Variants in ALPL observed in about 807,000 individuals in gnomAD.
ALPL encodes alkaline phosphatase, tissue-nonspecific isozyme.
ALPL carries 42 observed loss-of-function variants against 51.3 expected under a neutral mutation model. That is an observed-to-expected ratio of 0.82 (90% CI 0.64 to 1.06). The LOEUF is 1.06. ALPL is among the 50% of genes least tolerant of loss of function. The probability of loss-of-function intolerance (pLI) is 0.00; values close to 1 mark genes in which losing one functional copy is unlikely to be tolerated. For synonymous variants in ALPL, 279 were observed against 296.4 expected (o/e 0.94, Z 0.60); for missense variants, 589 against 709.4 (o/e 0.83, Z 1.93).
intron 5 of ALPL, 70 bp from the exon 6 acceptor site, chr1:21,563,960 GGGGAGGGGGAA>G: frequency 6.4e-7 from 1 of 1,553,810 alleles, no homozygotes; most frequent in East Asian, 2.3e-5. Flanking sequence ...TGTCTTTAGC[GGGGAGGGGGAA>G]GGGAGGGAGG....
At chr1:21,553,039 A>G (rs1644353588) in intron 1 of ALPL, among the ~76,000 whole-genome samples, 1 of 149,138 alleles carries the variant, frequency 6.7e-6, no homozygotes, top group Non-Finnish European at 1.5e-5. Flanking sequence ...CCATTAATAC[A>G]TGCTTGTTTT....
rs191532327 is a variant in ALPL at position 21,514,300 on chromosome 1, G to A, written c.-105+4783G>A. ...TCATTCTAAAGATTGCACAGCCCCT[G>A]CAGGGAAGAGACTCCCTTGACAGCT... On this transcript the variant is annotated intron_variant, in intron 1 of 11. Transcript: ENST00000374840. 1.6e-3 allele frequency among the ~76,000 whole-genome samples: 248 copies of A among 152,246 alleles called. 3 individuals are homozygous for A. The highest frequency in any genetic ancestry group is 5.7e-3 in the African/African-American group (238 of 41,536).
chr1:21,527,399 G>A (rs1002228998), intron 1 of ALPL, among the ~76,000 whole-genome samples: 6 of 152,100 alleles, frequency 3.9e-5, no homozygotes, highest in African/African-American at 1.2e-4. Context: ...TATTTGCTCA[G>A]TCTTCAGATA....
chr1:21,568,118 T>C lies in ALPL; in HGVS notation c.663T>C (p.Gly221=). The C allele has an allele frequency of 6.2e-7, 1 of 1,613,394 alleles. No homozygotes were observed. The highest frequency in any genetic ancestry group is 8.5e-7 in the Non-Finnish European group (1 of 1,179,872). The change falls in exon 7 of 12, where the codon GGT becomes GGC. Residue 221 remains glycine (G), a synonymous_variant. Coordinates refer to ENST00000374840, the MANE Select transcript of ALPL (RefSeq NM_000478.6). ...NIRDIDVIMG[G]GRKYMYPKNK... is the part of the protein sequence containing the mutation. ...GTCTCTTTTAGGTGATCATGGGGGG[T>C]GGCCGGAAATACATGTACCCCAAGA...
intron 1 of ALPL, among the ~76,000 whole-genome samples, chr1:21,552,107 C>CCTCCT (rs1304916565): frequency 1.6e-3 from 2 of 1,240 alleles, no homozygotes; most frequent in African/African-American, 5.0e-3. Flanking sequence ...CCTTCCCTTT[C>CCTCCT]CTCCCCTTCC....
chr1:21,509,219 A>G (rs1426423238), upstream of ALPL, among the ~76,000 whole-genome samples: 1 of 151,356 alleles, frequency 6.6e-6, no homozygotes, highest in Admixed American at 6.6e-5. This position sits in a 1 kb window ranked among gnomAD's most constrained non-coding sequence, Gnocchi z 6.0. Flanking sequence ...GCGTCACCCC[A>G]GCCCGTTCCT....
intron 1 of ALPL, among the ~76,000 whole-genome samples, chr1:21,519,765 C>T (rs544863323): frequency 8.0e-4 from 122 of 152,304 alleles, no homozygotes; most frequent in African/African-American, 2.8e-3. Flanking sequence ...CCACTGCACT[C>T]CAACCTGAGT....
At chr1:21,545,573 G>A (rs1644243503) in intron 1 of ALPL, among the ~76,000 whole-genome samples, 1 of 151,778 alleles carries the variant, frequency 6.6e-6, no homozygotes, top group South Asian at 2.1e-4. Flanking sequence ...TTACAGGAGT[G>A]AGCCACCATG....
chr1:21,572,697 CTGGAAGGACACCAGAAT>C (rs947816305), intron 8 of ALPL, among the ~76,000 whole-genome samples: 6 of 152,108 alleles, frequency 3.9e-5, no homozygotes, highest in African/African-American at 1.2e-4. Flanking sequence ...GCAGGGTGTT[CTGGAAGGACACCAGAAT>C]TGGAAGGACA....
rs1304758906 is a variant in ALPL at position 21,577,958 on chromosome 1, G to A, written c.*310G>A. On this transcript the variant is annotated 3_prime_UTR_variant, in exon 12 of 12. Transcript: ENST00000374840. ...AAAGCCTCTTATTTTTCTAGCGAAC[G>A]TATTTCTCCAGACCCAGAGGCCCTG... 8 of 506,016 alleles carry A rather than the reference G, an allele frequency of 1.6e-5. No individual in the cohort carries two copies. Among genetic ancestry groups the A allele is most frequent in the East Asian group, 1.3e-4 (4 of 29,718 alleles). The allele number at this position is 506,016 out of a possible 1,614,324, so 31.3% of individuals were successfully genotyped here. A position where few individuals can be genotyped will look rare whatever the true frequency, so the allele number is the denominator to read the frequency against.
intron 1 of ALPL, among the ~76,000 whole-genome samples, chr1:21,524,966 G>C (rs978374823): frequency 4.6e-5 from 7 of 152,238 alleles, no homozygotes; most frequent in Non-Finnish European, 8.8e-5. Flanking sequence ...AAACGTAAGT[G>C]GGGGATTGGT....
At chr1:21,520,035 T>A (rs1314059413) in intron 1 of ALPL, among the ~76,000 whole-genome samples, 1 of 152,148 alleles carries the variant, frequency 6.6e-6, no homozygotes, top group Non-Finnish European at 1.5e-5. Context: ...CTATCCTGTT[T>A]TAATCAGCCA....
At chr1:21,510,009 G>T (rs1020140660) in intron 1 of ALPL, among the ~76,000 whole-genome samples, 12 of 152,154 alleles carry the variant, frequency 7.9e-5, no homozygotes, top group Admixed American at 3.3e-4. Context: ...AAGCAGTTTG[G>T]TTTGGGAGGA....
intron 1 of ALPL, among the ~76,000 whole-genome samples, chr1:21,516,811 T>G (rs1346903419): frequency 2.6e-5 from 4 of 152,260 alleles, no homozygotes; most frequent in South Asian, 2.1e-4. Flanking sequence ...AGTGATTTTT[T>G]TGTGTGTGAA....
intron 1 of ALPL, among the ~76,000 whole-genome samples, chr1:21,519,404 A>C (rs937397788): frequency 2.5e-4 from 38 of 152,244 alleles, no homozygotes; most frequent in African/African-American, 8.7e-4. Context: ...TGAGTGCGAT[A>C]CGTCTTTGCC....
intron 1 of ALPL, among the ~76,000 whole-genome samples, chr1:21,510,657 C>T (rs938459153): frequency 6.6e-6 from 1 of 152,220 alleles, no homozygotes; most frequent in Non-Finnish European, 1.5e-5. Context: ...CTCTGCAGCC[C>T]TAGCGTCCTG....
chr1:21,527,550 T>A (rs974943674), intron 1 of ALPL, among the ~76,000 whole-genome samples: 2 of 136,060 alleles, frequency 1.5e-5, no homozygotes, highest in Non-Finnish European at 1.6e-5. Context: ...AGCCTTTAAC[T>A]TTTTTTTTTT....
At chr1:21,560,526 A>G in intron 2 of ALPL, 100 bp from the exon 3 acceptor site, 1 of 1,503,912 alleles carries the variant, frequency 6.6e-7, no homozygotes, top group Non-Finnish European at 9.0e-7. Context: ...CTCCAAGTTC[A>G]GGCATTCCAG....
intron 1 of ALPL, among the ~76,000 whole-genome samples, chr1:21,534,263 A>G (rs1355432576): frequency 6.6e-6 from 1 of 152,200 alleles, no homozygotes; most frequent in Non-Finnish European, 1.5e-5. Flanking sequence ...CGTGTCAGCC[A>G]CCACACCTGG....
Sources: gnomAD v4.1 joint callset for allele counts (sites outside exome capture counted in the v4.1 genomes callset) on GRCh38, gnomAD v4.1.1 for gene constraint, Gnocchi (gnomAD v3.1) non-coding constraint, MANE v1.5 for transcripts, NCBI Gene and HGNC (gene_info 2026-07-23, HGNC 2026-07-21) for gene names.